Variants in PPM1L observed in about 807,000 individuals in gnomAD.
The protein encoded by PPM1L is protein phosphatase 1L.
A neutral mutation model predicts 31.4 loss-of-function variants in PPM1L; 13 were observed. The ratio of observed to expected loss-of-function variants is 0.41; its 90% CI spans 0.27 to 0.66. PPM1L has a LOEUF of 0.66. Ranked by LOEUF, PPM1L falls within the 30% of genes least tolerant of loss-of-function variation. The pLI is 0.29. For missense variants in PPM1L, 326 were observed against 453.7 expected, an observed-to-expected ratio of 0.72 and a Z score of 2.56; for synonymous variants, 184 against 175.4, an observed-to-expected ratio of 1.05 and a Z score of -0.39.
chr3:160,973,735 A>G (rs972801075), intron 2 of PPM1L, among the ~76,000 whole-genome samples: 1 of 111,526 alleles, frequency 9.0e-6, no homozygotes, highest in Non-Finnish European at 2.0e-5. Flanking sequence ...TTAAGAATTC[A>G]TCTGGTAAAT....
intron 2 of PPM1L, among the ~76,000 whole-genome samples, chr3:160,996,466 T>C (rs1473325232): frequency 6.6e-6 from 1 of 152,164 alleles, no homozygotes; most frequent in Non-Finnish European, 1.5e-5. Context: ...CCATATAAAA[T>C]AATTTAATAA....
chr3:160,982,597 G>A (rs1035646041), intron 2 of PPM1L, among the ~76,000 whole-genome samples: 2 of 152,144 alleles, frequency 1.3e-5, no homozygotes, highest in Admixed American at 6.5e-5. Context: ...TTTAATGTTC[G>A]ACCCAGCAGT....
At chr3:160,810,316 A>C (rs563515757) in intron 1 of PPM1L, among the ~76,000 whole-genome samples, 1 of 152,118 alleles carries the variant, frequency 6.6e-6, no homozygotes, top group South Asian at 2.1e-4. Flanking sequence ...CTCCTGTTTC[A>C]ATTTGCTAGC....
intron 1 of PPM1L, among the ~76,000 whole-genome samples, chr3:160,822,032 A>G (rs1370761955): frequency 6.6e-6 from 1 of 152,166 alleles, no homozygotes; most frequent in South Asian, 2.1e-4. Context: ...ACGCTATACC[A>G]TATACCCTCT....
intron 1 of PPM1L, among the ~76,000 whole-genome samples, chr3:160,940,317 C>T (rs1191906208): frequency 6.6e-6 from 1 of 152,220 alleles, no homozygotes; most frequent in African/African-American, 2.4e-5. Flanking sequence ...TTCAAGCCAG[C>T]TGCAGAAATT....
chr3:160,969,894 G>C (rs115277830), intron 2 of PPM1L, among the ~76,000 whole-genome samples: 4 of 152,060 alleles, frequency 2.6e-5, no homozygotes, highest in African/African-American at 9.6e-5. Flanking sequence ...TTTTTTAAAC[G>C]TGGAAAAAGG....
At chr3:160,915,563 A>G (rs1056993780) in intron 1 of PPM1L, among the ~76,000 whole-genome samples, 3 of 152,202 alleles carry the variant, frequency 2.0e-5, no homozygotes, top group African/African-American at 7.2e-5. Context: ...AAGCTACTTT[A>G]AAGTTCATAT....
chr3:160,961,169 G>GT (rs1286218412), intron 1 of PPM1L, among the ~76,000 whole-genome samples: 1 of 152,128 alleles, frequency 6.6e-6, no homozygotes, highest in Non-Finnish European at 1.5e-5. Context: ...TTGTTTGTTT[G>GT]TTTTGCCCCA....
chr3:161,048,882 A>G (rs1361988598), intron 2 of PPM1L, among the ~76,000 whole-genome samples: 1 of 136,710 alleles, frequency 7.3e-6, no homozygotes, highest in Non-Finnish European at 1.5e-5. Context: ...TTGAACAATG[A>G]GAACACTTGG....
intron 2 of PPM1L, among the ~76,000 whole-genome samples, chr3:161,014,283 A>T (rs373077307): frequency 1.2e-3 from 184 of 152,174 alleles, no homozygotes; most frequent in African/African-American, 4.2e-3. Flanking sequence ...GCTTACTGTG[A>T]TTTATCTTTT....
At chr3:160,762,188 G>A (rs567087595) in intron 1 of PPM1L, among the ~76,000 whole-genome samples, 2 of 152,278 alleles carry the variant, frequency 1.3e-5, no homozygotes, top group Non-Finnish European at 2.9e-5. Context: ...TAAATGTTCG[G>A]CTTTCACATT....
chr3:161,048,646 C>T (rs1719160310), intron 2 of PPM1L, among the ~76,000 whole-genome samples: 1 of 152,060 alleles, frequency 6.6e-6, no homozygotes, highest in Non-Finnish European at 1.5e-5. Flanking sequence ...TTTATTGCGG[C>T]ATTATTCACA....
At chr3:160,886,316 T>G (rs756436264) in intron 1 of PPM1L, among the ~76,000 whole-genome samples, 13 of 152,098 alleles carry the variant, frequency 8.5e-5, no homozygotes, top group Non-Finnish European at 1.8e-4. Flanking sequence ...GATGAGTGGG[T>G]TTCCCCCAGC....
At chr3:160,867,709 A>AT (rs1396489220) in intron 1 of PPM1L, among the ~76,000 whole-genome samples, 1 of 152,098 alleles carries the variant, frequency 6.6e-6, no homozygotes, top group East Asian at 1.9e-4. Context: ...AATAGCGATA[A>AT]TTTTTTAATG....
chr3:161,010,644 T>C (rs983900214), intron 2 of PPM1L, among the ~76,000 whole-genome samples: 6 of 152,302 alleles, frequency 3.9e-5, no homozygotes, highest in Admixed American at 1.3e-4. Flanking sequence ...CCACCAACAG[T>C]GTAAAAGTGT....
At chr3:160,986,254 A>T (rs1716961497) in intron 2 of PPM1L, among the ~76,000 whole-genome samples, 1 of 152,114 alleles carries the variant, frequency 6.6e-6, no homozygotes, top group Non-Finnish European at 1.5e-5. Context: ...CCATGCCCAC[A>T]TGCTTGTCAG....
At chr3:161,057,773 C>G (rs568941825) in intron 2 of PPM1L, among the ~76,000 whole-genome samples, 4 of 151,926 alleles carry the variant, frequency 2.6e-5, no homozygotes, top group African/African-American at 4.8e-5. Flanking sequence ...TGTCACAAGC[C>G]CCCCCGACTC....
At chr3:160,988,157 C>T (rs1380046227) in intron 2 of PPM1L, among the ~76,000 whole-genome samples, 3 of 152,160 alleles carry the variant, frequency 2.0e-5, no homozygotes, top group African/African-American at 7.2e-5. Context: ...GTGACTGAAG[C>T]TCATGGGAGA....
intron 2 of PPM1L, among the ~76,000 whole-genome samples, chr3:161,001,894 A>G (rs1717495139): frequency 6.6e-6 from 1 of 152,130 alleles, no homozygotes; most frequent in Non-Finnish European, 1.5e-5. Context: ...GGTGCAGGTT[A>G]GTTACATATG....
Sources: gnomAD v4.1 joint callset for allele counts (sites outside exome capture counted in the v4.1 genomes callset) on GRCh38, gnomAD v4.1.1 for gene constraint, MANE v1.5 for transcripts, NCBI Gene and HGNC (gene_info 2026-07-23, HGNC 2026-07-21) for gene names.